The following NDE1 variants were observed in gnomAD, a reference collection of about 807,000 sequenced individuals.
The protein encoded by NDE1 is nudE neurodevelopment protein 1.
A neutral mutation model predicts 43.4 loss-of-function variants in NDE1; 28 were observed. That is an observed-to-expected ratio of 0.65 (90% CI 0.48 to 0.89). NDE1 has a LOEUF of 0.89. Ranked by LOEUF, NDE1 falls within the 40% of genes least tolerant of loss-of-function variation. The probability of loss-of-function intolerance (pLI) is 0.00; values close to 1 mark genes in which losing one functional copy is unlikely to be tolerated. For synonymous variants in NDE1, 184 were observed against 172.0 expected, an observed-to-expected ratio of 1.07 and a Z score of -0.55; for missense variants, 441 against 434.1, an observed-to-expected ratio of 1.02 and a Z score of -0.14.
intron 6 of NDE1, among the ~76,000 whole-genome samples, chr16:15,693,867 G>A (rs1298901250): frequency 1.3e-5 from 2 of 152,172 alleles, no homozygotes; most frequent in African/African-American, 4.8e-5. Flanking sequence ...TTGAACCTGG[G>A]AGGCGGAGGT....
intron 3 of NDE1, among the ~76,000 whole-genome samples, chr16:15,669,360 A>G (rs1489488261): frequency 8.0e-6 from 1 of 125,556 alleles, no homozygotes; most frequent in Admixed American, 8.1e-5. Flanking sequence ...CGCCTGGCTA[A>G]TTTTTTTTTT....
At chr16:15,647,578 G>C (rs1456666278), upstream of NDE1, among the ~76,000 whole-genome samples, 1 of 152,114 alleles carries the variant, frequency 6.6e-6, no homozygotes, top group Non-Finnish European at 1.5e-5. Context: ...TATCAAATGG[G>C]CTTGCCTTAG....
intron 8 of NDE1, chr16:15,711,339 A>C (rs2039781711): frequency 6.6e-6 from 1 of 152,122 alleles, no homozygotes; most frequent in African/African-American, 2.4e-5. Context: ...GATGTCAGAG[A>C]GAGTCTATTT....
At chr16:15,684,568 T>TA (rs35262521) in intron 4 of NDE1, 8,720 of 121,530 alleles carry the variant, frequency 0.072, 745 homozygotes, top group African/African-American at 0.21. Flanking sequence ...AACTCCATCT[T>TA]AAAAAAAAAA....
At chr16:15,645,582 G>A (rs2036315880), upstream of NDE1, among the ~76,000 whole-genome samples, 2 of 152,154 alleles carry the variant, frequency 1.3e-5, no homozygotes, top group Admixed American at 6.5e-5. Flanking sequence ...AAGACTAGGA[G>A]CCTAAGCAAA....
At chr16:15,708,055 A>G (rs2039560147) in intron 8 of NDE1, among the ~76,000 whole-genome samples, 1 of 151,454 alleles carries the variant, frequency 6.6e-6, no homozygotes. Context: ...AGTCTTGGGT[A>G]TCCACTCCCC....
chr16:15,719,168 C>A (rs370204545), intron 8 of NDE1: 119 of 1,533,938 alleles, frequency 7.8e-5, no homozygotes, highest in Admixed American at 2.0e-4. Flanking sequence ...AGGATGCTGC[C>A]TGTCCCCCCA....
chr16:15,714,866 C>G, intron 8 of NDE1: 1 of 1,610,906 alleles, frequency 6.2e-7, no homozygotes, highest in Non-Finnish European at 8.5e-7. Context: ...GTGCTTTTCT[C>G]TGGCCTGAGA....
At chr16:15,696,585 C>A in intron 7 of NDE1, 124 bp from the exon 8 acceptor site, 2 of 1,561,762 alleles carry the variant, frequency 1.3e-6, no homozygotes, top group Non-Finnish European at 1.7e-6. Flanking sequence ...GGGGTCCCAC[C>A]TTGGAATTCC....
chr16:15,717,586 G>A (rs1392279662), intron 8 of NDE1: 1 of 591,588 alleles, frequency 1.7e-6, no homozygotes, highest in Non-Finnish European at 3.0e-6. Flanking sequence ...CTTGAGCTCA[G>A]GAGTTCGAGA....
chr16:15,704,623 A>G (rs1423877506), intron 8 of NDE1, among the ~76,000 whole-genome samples: 1 of 152,174 alleles, frequency 6.6e-6, no homozygotes, highest in Admixed American at 6.5e-5. Context: ...GAATTGGAAG[A>G]AGGTGAAATG....
intron 1 of NDE1, among the ~76,000 whole-genome samples, chr16:15,652,703 G>A (rs955303338): frequency 2.6e-5 from 4 of 152,028 alleles, no homozygotes; most frequent in African/African-American, 4.8e-5. Context: ...TCACTCTGTC[G>A]CCCAAGCTGG....
intron 8 of NDE1, chr16:15,701,515 A>AC (rs2039220700): frequency 6.6e-6 from 1 of 152,202 alleles, no homozygotes; most frequent in African/African-American, 2.4e-5. Flanking sequence ...TCAAAGGCAT[A>AC]ATGAAGTAAC....
At chr16:15,708,431 A>C (rs1271100285) in intron 8 of NDE1, among the ~76,000 whole-genome samples, 1 of 152,214 alleles carries the variant, frequency 6.6e-6, no homozygotes, top group East Asian at 1.9e-4. Context: ...TGGACAAGGG[A>C]GGACAGCACT....
intron 5 of NDE1, among the ~76,000 whole-genome samples, chr16:15,689,732 G>C (rs2038631798): frequency 6.6e-6 from 1 of 152,016 alleles, no homozygotes; most frequent in African/African-American, 2.4e-5. Flanking sequence ...CTGAGGTCAG[G>C]AGTTAGAGTC....
chr16:15,678,148 G>GGCA (rs1311722113), intron 4 of NDE1, among the ~76,000 whole-genome samples, 199 bp downstream of exon 4: 1 of 152,184 alleles, frequency 6.6e-6, no homozygotes, highest in Non-Finnish European at 1.5e-5. Context: ...CAGCAAGGCT[G>GGCA]GCAGCCCAGG....
intron 8 of NDE1, among the ~76,000 whole-genome samples, chr16:15,711,510 A>G (rs753758900): frequency 6.6e-6 from 1 of 152,192 alleles, no homozygotes; most frequent in East Asian, 1.9e-4. Context: ...GTTTAAAAAT[A>G]TAGAGGAGGT....
intron 8 of NDE1, chr16:15,700,063 C>T (rs1160037014): frequency 1.1e-5 from 13 of 1,171,726 alleles, no homozygotes; most frequent in Non-Finnish European, 1.4e-5. Context: ...ACAAAAGGGG[C>T]TCTCTGGGAA....
At chr16:15,667,491 G>T (rs755304590) in intron 3 of NDE1, 52 bp downstream of exon 3, 1 of 1,604,508 alleles carries the variant, frequency 6.2e-7, no homozygotes, top group African/African-American at 1.3e-5. Context: ...TCCAACACAG[G>T]CATGGCATGC....
Sources: allele counts gnomAD v4.1 joint callset (sites outside exome capture counted in the v4.1 genomes callset), GRCh38; gene constraint gnomAD v4.1.1; transcripts MANE v1.5; gene names NCBI Gene and HGNC (gene_info 2026-07-23, HGNC 2026-07-21).